The following PSMD4 variants were observed in gnomAD, a reference collection of about 807,000 sequenced individuals.
PSMD4 encodes proteasome 26S subunit ubiquitin receptor, non-ATPase 4.
In PSMD4, 5 loss-of-function variants were observed where a neutral mutation model predicts 39.7. The ratio of observed to expected loss-of-function variants is 0.13; its 90% confidence interval spans 0.07 to 0.26. PSMD4 has a LOEUF of 0.26. Among genes scored for constraint, PSMD4 ranks in the 10% least tolerant of loss-of-function variants. The pLI is 1.00. For missense variants in PSMD4, 272 were observed against 486.1 expected, an observed-to-expected ratio of 0.56 and a Z score of 4.14; for synonymous variants, 143 against 174.6, an observed-to-expected ratio of 0.82 and a Z score of 1.43.
rs1248303832 is a variant in PSMD4 at position 151,266,081 on chromosome 1, T to G, written c.732T>G (p.Ala244=). ...EARRAAAASA[A]EAGIATTGTE... Reference sequence around the variant, plus strand: ...GGCGGGCAGCTGCAGCTTCTGCTGCTGAGGCCGGGATTGCTACGACTGGGA... The same window carrying G: ...GGCGGGCAGCTGCAGCTTCTGCTGCGGAGGCCGGGATTGCTACGACTGGGA... Residue 244 remains alanine (A), a synonymous_variant, in exon 7 of 10, where the codon GCT becomes GCG. Coordinates refer to ENST00000368884, the MANE Select transcript of PSMD4 (RefSeq NM_002810.4). 6.2e-7 allele frequency: 1 copy of G among 1,607,378 alleles called. No homozygotes were observed. Among genetic ancestry groups the G allele is most frequent in the Non-Finnish European group, 8.5e-7 (1 of 1,177,000 alleles).
At position 151,262,259 on chromosome 1, in the gene PSMD4, G is replaced by T. The variant is rs1025187861; in HGVS notation, c.125G>T (p.Arg42Leu). ...AACATAGTTTGTCATTCAAAGACCCGCAGCAACCCTGAGAACAACGTGGGC... is the reference window on the plus strand; with the variant it reads ...AACATAGTTTGTCATTCAAAGACCCTCAGCAACCCTGAGAACAACGTGGGC... ...AVNIVCHSKT[R>L]SNPENNVGLI... The change falls in exon 2 of 10, where the codon CGC (arginine) becomes CTC (leucine). Residue 42 changes from arginine (R) to leucine (L), a missense_variant. This residue lies in a region of PSMD4 where 153 missense variants were observed against 257.6 expected (regional missense o/e 0.59). Coordinates refer to ENST00000368884, the MANE Select transcript of PSMD4 (RefSeq NM_002810.4). 6.2e-7 allele frequency: 1 copy of T among 1,614,136 alleles called. No homozygotes were observed. Among genetic ancestry groups the T allele is most frequent in the Admixed American group, 1.7e-5 (1 of 59,982 alleles).
chr1:151,265,718 C>G, intron 6 of PSMD4, 109 bp downstream of exon 6: 1 of 1,222,310 alleles, frequency 8.2e-7, no homozygotes, highest in Non-Finnish European at 1.2e-6. Context: ...CACTACCAAT[C>G]ACTCATTTTC....
chr1:151,266,674 C>G, intron 9 of PSMD4, 87 bp downstream of exon 9: 1 of 1,472,416 alleles, frequency 6.8e-7, no homozygotes, highest in East Asian at 2.4e-5. Context: ...TCTACCATAG[C>G]TAAGTCCTTT....
chr1:151,267,077 C>T, intron 9 of PSMD4, 96 bp from the exon 10 acceptor site: 1 of 1,431,376 alleles, frequency 7.0e-7, no homozygotes, highest in Non-Finnish European at 9.9e-7. Flanking sequence ...AGTCAGAAGG[C>T]AGGGGGCCTC....
chr1:151,267,255 A>G lies in PSMD4; in HGVS notation c.1046A>G (p.Asn349Ser), dbSNP rs1020168076. 8 of 1,613,626 alleles carry G rather than the reference A, an allele frequency of 5.0e-6. No individual in the cohort carries two copies. The highest frequency in any genetic ancestry group is 1.3e-5 in the African/African-American group (1 of 74,818). Reference sequence around the variant, plus strand: ...AACCTCCCAGGTGTGGATCCCAACAATGAAGCCATTCGAAATGCTATGGGC... The same window carrying G: ...AACCTCCCAGGTGTGGATCCCAACAGTGAAGCCATTCGAAATGCTATGGGC... Reference protein sequence around the residue: ...LENLPGVDPNNEAIRNAMGSL... With the variant: ...LENLPGVDPNSEAIRNAMGSL... Residue 349 changes from asparagine (N) to serine (S), a missense_variant, in exon 10 of 10, where the codon AAT becomes AGT. Transcript: ENST00000368884.
At position 151,254,743 on chromosome 1, in the gene PSMD4, C is replaced by T; in HGVS notation, c.-40C>T. 1 of 1,548,374 alleles carries T rather than the reference C, an allele frequency of 6.5e-7. No homozygotes were observed. Among genetic ancestry groups the T allele is most frequent in the Non-Finnish European group, 8.7e-7 (1 of 1,146,554 alleles). Reference sequence around the variant, plus strand: ...GCCAATTGGAGGAGTTGTTGTTAGGCCGTCCCGGAGACCCGGTCGGGAGGG... The same window carrying T: ...GCCAATTGGAGGAGTTGTTGTTAGGTCGTCCCGGAGACCCGGTCGGGAGGG... On this transcript the variant is annotated 5_prime_UTR_variant, in exon 1 of 10. Transcript: ENST00000368884.
At chr1:151,260,855 T>A (rs1693299421) in intron 1 of PSMD4, among the ~76,000 whole-genome samples, 1 of 151,196 alleles carries the variant, frequency 6.6e-6, no homozygotes. Context: ...TAGATTTTTT[T>A]TTTTTTTTTT....
Position 151,264,000 on chromosome 1 carries a change from CCTT to C in PSMD4, c.257_259del (p.Phe86del). Reference sequence around the variant, plus strand: ...ACTGTCCAACCCAAGGGCAAGATCACCTTCTGCACGGGCATCCGCGTGGCCCAT... The same window carrying C: ...ACTGTCCAACCCAAGGGCAAGATCACCTGCACGGGCATCCGCGTGGCCCAT... On this transcript the variant is annotated inframe_deletion, in exon 3 of 10. Transcript: ENST00000368884. 1 of 1,603,722 alleles carries C rather than the reference CCTT, an allele frequency of 6.2e-7. No homozygotes were observed. Among genetic ancestry groups the C allele is most frequent in the Non-Finnish European group, 8.5e-7 (1 of 1,175,044 alleles).
intron 1 of PSMD4, among the ~76,000 whole-genome samples, chr1:151,257,150 C>A (rs751146689): frequency 5.3e-5 from 8 of 152,240 alleles, no homozygotes; most frequent in Admixed American, 1.3e-4. Flanking sequence ...CTTCAATCTT[C>A]TGCATATGGC....
intron 3 of PSMD4, 135 bp downstream of exon 3, chr1:151,264,163 G>A: frequency 3.1e-6 from 2 of 639,938 alleles, no homozygotes; most frequent in Non-Finnish European, 2.7e-6. Flanking sequence ...AGGATATGGG[G>A]GATGAATCCC....
At position 151,265,365 on chromosome 1, in the gene PSMD4, A is replaced by G. The variant is rs1018279935; in HGVS notation, c.439-29A>G. The G allele has an allele frequency of 3.7e-6, 6 of 1,610,224 alleles. No homozygotes were observed. In the Admixed American group the frequency reaches 5.0e-5, roughly 13 times the overall value. ...AAAGAACAGGGAGCAAGGCCTGAAG[A>G]AGGGCATCATGTGTTCTTTCCTCCC... On this transcript the variant is annotated intron_variant, in intron 5 of 9. Coordinates refer to ENST00000368884, the MANE Select transcript of PSMD4 (RefSeq NM_002810.4).
chr1:151,257,633 C>T (rs1043877591), intron 1 of PSMD4, among the ~76,000 whole-genome samples: 10 of 150,442 alleles, frequency 6.6e-5, no homozygotes, highest in East Asian at 2.0e-4. Context: ...TTGCAACCTC[C>T]GCCTCTCAGG....
At chr1:151,258,093 G>A (rs1368980847) in intron 1 of PSMD4, among the ~76,000 whole-genome samples, 7 of 151,238 alleles carry the variant, frequency 4.6e-5, no homozygotes, top group Non-Finnish European at 7.4e-5. Flanking sequence ...GCGCCATCTC[G>A]GCTCACTGCA....
In PSMD4 at chr1:151,254,823, C is replaced by CGGGGCAGGA. The variant is rs759302768; in HGVS notation, c.26+23_26+31dup. ...ACTATGGTGTGGTGAGGAGCTACTTCGGGGCAGGAGGGGCAGAGCTGGGTT... is the reference window on the plus strand; with the variant it reads ...ACTATGGTGTGGTGAGGAGCTACTTCGGGGCAGGAGGGGCAGGAGGGGCAGAGCTGGGTT... On this transcript the variant is annotated intron_variant, in intron 1 of 9. Transcript: ENST00000368884. The CGGGGCAGGA allele has an allele frequency of 4.5e-5, 62 of 1,387,926 alleles. No individual in the cohort carries two copies. Among genetic ancestry groups the CGGGGCAGGA allele is most frequent in the Non-Finnish European group, 5.6e-5 (59 of 1,058,296 alleles). The allele number at this position is 1,387,926 out of a possible 1,614,324, so 86.0% of individuals were successfully genotyped here. A position where few individuals can be genotyped will look rare whatever the true frequency, so the allele number is the denominator to read the frequency against.
At chr1:151,262,369 T>C in intron 2 of PSMD4, 68 bp downstream of exon 2, 1 of 1,588,080 alleles carries the variant, frequency 6.3e-7, no homozygotes, top group Non-Finnish European at 8.6e-7. Context: ...TTCTTTAGAT[T>C]CCATGAAGCT....
At chr1:151,263,794 CA>C in intron 2 of PSMD4, 119 bp from the exon 3 acceptor site, 1 of 635,960 alleles carries the variant, frequency 1.6e-6, no homozygotes, top group Non-Finnish European at 2.6e-6. Flanking sequence ...TCACGCCACG[CA>C]CTCCAGCCTG....
At position 151,265,185 on chromosome 1, in the gene PSMD4, G is replaced by A. The variant is rs369420046; in HGVS notation, c.389G>A (p.Arg130His). 1 of 1,613,338 alleles carries A rather than the reference G, an allele frequency of 6.2e-7. No individual in the cohort carries two copies. The highest frequency in any genetic ancestry group is 8.5e-7 in the Non-Finnish European group (1 of 1,179,714). Residue 130 changes from arginine (R) to histidine (H), a missense_variant, in exon 5 of 10, where the codon CGC becomes CAC. This residue lies in a region of PSMD4 where 153 missense variants were observed against 257.6 expected (regional missense o/e 0.59). Coordinates refer to ENST00000368884, the MANE Select transcript of PSMD4 (RefSeq NM_002810.4). ...NEKDLVKLAK[R>H]LKKEKVNVDI... The stretch of plus-strand genomic sequence containing the variant: ...TCCCAGCTGGTGAAACTGGCTAAAC[G>A]CCTCAAGAAGGAGAAAGTAAATGTT...
Position 151,254,787 on chromosome 1 carries a change from T to C in PSMD4, c.5T>C (p.Val2Ala). The C allele has an allele frequency of 1.9e-6, 3 of 1,564,892 alleles. No homozygotes were observed. The highest frequency in any genetic ancestry group is 2.6e-6 in the Non-Finnish European group (3 of 1,157,064). ...GGGAGGGAGGAAGGTGGCAAGATGG[T>C]GTTGGAAAGCACTATGGTGTGGTGA... The part of the protein sequence containing the change: M[V>A]LESTMVCVDN... The change falls in exon 1 of 10, where the codon GTG becomes GCG. Residue 2 changes from valine (V) to alanine (A), a missense_variant. Val to Ala is a moderately conservative substitution (Grantham distance 64, BLOSUM62 0). Coordinates refer to ENST00000368884, the MANE Select transcript of PSMD4 (RefSeq NM_002810.4).
At chr1:151,258,520 G>A (rs1178741714) in intron 1 of PSMD4, among the ~76,000 whole-genome samples, 1 of 140,810 alleles carries the variant, frequency 7.1e-6, no homozygotes, top group African/African-American at 2.7e-5. Context: ...GAGTGCAGTA[G>A]TGTGATCTTG....
Sources: allele counts gnomAD v4.1 joint callset (sites outside exome capture counted in the v4.1 genomes callset), GRCh38; gene constraint gnomAD v4.1.1; regional missense constraint gnomAD v4.1.1; transcripts MANE v1.5; gene names NCBI Gene and HGNC (gene_info 2026-07-23, HGNC 2026-07-21).